ENOX1: variants seen among roughly 807,000 people sequenced by gnomAD.
The protein encoded by ENOX1 is ecto-NOX disulfide-thiol exchanger 1, also known as candidate growth-related and time keeping constitutive hydroquinone (NADH) oxidase.
A neutral mutation model predicts 82.5 loss-of-function variants in ENOX1; 42 were observed. The ratio of observed to expected loss-of-function variants is 0.51; its 90% CI spans 0.40 to 0.66. The LOEUF is 0.66. Ranked by LOEUF, ENOX1 falls within the 30% of genes least tolerant of loss-of-function variation. The pLI is 0.00. For missense variants in ENOX1, 608 were observed against 811.6 expected (o/e 0.75, Z 3.05); for synonymous variants, 271 against 282.2 (o/e 0.96, Z 0.40).
At chr13:43,289,051 T>C (rs1362478719) in intron 12 of ENOX1, among the ~76,000 whole-genome samples, 3 of 152,086 alleles carry the variant, frequency 2.0e-5, no homozygotes, top group Non-Finnish European at 4.4e-5. Context: ...TATGAAACAC[T>C]GCTAAAACAA....
chr13:43,635,415 A>T (rs2083376556), intron 2 of ENOX1, among the ~76,000 whole-genome samples: 1 of 152,202 alleles, frequency 6.6e-6, no homozygotes, highest in African/African-American at 2.4e-5. Flanking sequence ...CAAAGCCACA[A>T]TTGTATTAAT....
chr13:43,743,674 CAG>C (rs1346568824), intron 1 of ENOX1, among the ~76,000 whole-genome samples: 1 of 152,170 alleles, frequency 6.6e-6, no homozygotes, highest in Admixed American at 6.5e-5. Context: ...CTGCAACACA[CAG>C]GGAAGAAATG....
intron 2 of ENOX1, among the ~76,000 whole-genome samples, chr13:43,663,842 G>C (rs1488630455): frequency 1.3e-5 from 2 of 152,144 alleles, no homozygotes; most frequent in African/African-American, 4.8e-5. Flanking sequence ...ACTAAATGTA[G>C]ATGAAAGAGA....
At chr13:43,393,895 AGCCCC>A (rs1403049464) in intron 5 of ENOX1, among the ~76,000 whole-genome samples, 1 of 152,174 alleles carries the variant, frequency 6.6e-6, no homozygotes, top group African/African-American at 2.4e-5. Context: ...CCTCATGGAT[AGCCCC>A]TTCCTGTGGT....
intron 1 of ENOX1, among the ~76,000 whole-genome samples, chr13:43,709,552 A>G (rs1490062747): frequency 1.3e-5 from 2 of 152,112 alleles, no homozygotes; most frequent in East Asian, 3.9e-4. Flanking sequence ...TGATGAGGGC[A>G]GGGATCAATG....
At chr13:43,601,101 C>G (rs183350998) in intron 2 of ENOX1, among the ~76,000 whole-genome samples, 2 of 152,232 alleles carry the variant, frequency 1.3e-5, no homozygotes, top group Non-Finnish European at 2.9e-5. Flanking sequence ...CTACAATAAA[C>G]ACCTAACTCT....
At chr13:43,712,911 T>C (rs1291276280) in intron 1 of ENOX1, among the ~76,000 whole-genome samples, 1 of 152,030 alleles carries the variant, frequency 6.6e-6, no homozygotes, top group African/African-American at 2.4e-5. Flanking sequence ...TATTTCCTTC[T>C]CCTGCCTAAC....
intron 1 of ENOX1, among the ~76,000 whole-genome samples, chr13:43,724,995 G>A (rs1226329490): frequency 1.3e-5 from 2 of 152,136 alleles, no homozygotes. Flanking sequence ...AGGGGAGAGA[G>A]AGGGCACAGC....
chr13:43,266,226 C>G (rs1199079071), intron 13 of ENOX1, among the ~76,000 whole-genome samples: 1 of 152,072 alleles, frequency 6.6e-6, no homozygotes, highest in Non-Finnish European at 1.5e-5. Context: ...GTATTTTTTC[C>G]TGACTTAGGA....
intron 3 of ENOX1, among the ~76,000 whole-genome samples, chr13:43,437,273 G>T (rs2056087892): frequency 6.6e-6 from 1 of 152,110 alleles, no homozygotes; most frequent in South Asian, 2.1e-4. Context: ...AACAAAATAC[G>T]CATGGAATTT....
intron 3 of ENOX1, among the ~76,000 whole-genome samples, chr13:43,447,826 T>C (rs1018060541): frequency 6.6e-6 from 1 of 152,128 alleles, no homozygotes; most frequent in Non-Finnish European, 1.5e-5. Flanking sequence ...CAATCAAGAG[T>C]ATATGATTTT....
chr13:43,412,999 G>T lies in ENOX1; in HGVS notation c.-74-11C>A. ...GGAGGTCATCAGATTCTGCAAAACG[G>T]GACAGAAGTGTGGTGAGAAACCTTA... On this transcript the variant is annotated splice_polypyrimidine_tract_variant and intron_variant, in intron 3 of 16. Coordinates refer to ENST00000690772, the MANE Select transcript of ENOX1 (RefSeq NM_001347969.2). The T allele has an allele frequency of 1.3e-6, 2 of 1,551,518 alleles. No homozygotes were observed. Among genetic ancestry groups the T allele is most frequent in the Non-Finnish European group, 8.7e-7 (1 of 1,148,470 alleles).
intron 2 of ENOX1, among the ~76,000 whole-genome samples, chr13:43,523,884 C>T (rs941319006): frequency 6.6e-5 from 10 of 152,140 alleles, no homozygotes; most frequent in East Asian, 1.9e-4. Flanking sequence ...AAGTGATTCA[C>T]GTGCAGGACA....
chr13:43,338,676 GTTTTTTTTT>G (rs71099830), intron 9 of ENOX1, among the ~76,000 whole-genome samples: 17 of 81,276 alleles, frequency 2.1e-4, no homozygotes, highest in African/African-American at 6.4e-4. Context: ...TTCAGGTTGG[GTTTTTTTTT>G]TTTTTTTTTT....
At chr13:43,273,216 T>C (rs920882) in intron 12 of ENOX1, among the ~76,000 whole-genome samples, 20,946 of 152,162 alleles carry the variant, frequency 0.14, 1,934 homozygotes, top group Non-Finnish European at 0.21. Flanking sequence ...CGCTGGCCCT[T>C]TCATCACCTT....
chr13:43,590,676 T>C (rs1424438479), intron 2 of ENOX1, among the ~76,000 whole-genome samples: 1 of 150,636 alleles, frequency 6.6e-6, no homozygotes, highest in Non-Finnish European at 1.5e-5. Context: ...CTCGGAAGGC[T>C]GAGGCAGGAG....
At chr13:43,446,355 C>G (rs2056649230) in intron 3 of ENOX1, among the ~76,000 whole-genome samples, 1 of 152,184 alleles carries the variant, frequency 6.6e-6, no homozygotes, top group Non-Finnish European at 1.5e-5. Context: ...TGAGCCTGGA[C>G]TCAGAAATTC....
At chr13:43,385,155 T>A (rs1242147170) in intron 5 of ENOX1, among the ~76,000 whole-genome samples, 1 of 152,194 alleles carries the variant, frequency 6.6e-6, no homozygotes, top group Admixed American at 6.5e-5. Flanking sequence ...GGATATTTCA[T>A]AATTAAAAAT....
chr13:43,764,901 A>G (rs746108584), intron 1 of ENOX1, among the ~76,000 whole-genome samples: 18 of 152,230 alleles, frequency 1.2e-4, no homozygotes, highest in Non-Finnish European at 1.9e-4. Flanking sequence ...CCAAATATAC[A>G]TAATCTGTGA....
Sources: allele counts gnomAD v4.1 joint callset (sites outside exome capture counted in the v4.1 genomes callset), GRCh38; gene constraint gnomAD v4.1.1; transcripts MANE v1.5; gene names NCBI Gene and HGNC (gene_info 2026-07-23, HGNC 2026-07-21).